Variants in TSPAN18 observed in about 807,000 individuals in gnomAD.
TSPAN18 encodes tetraspanin-18.
In TSPAN18, 14 loss-of-function variants were observed where a neutral mutation model predicts 27.3. The observed-to-expected ratio is 0.51, with a 90% CI of 0.34 to 0.80. The LOEUF is 0.80. Among genes scored for constraint, TSPAN18 ranks in the 30% least tolerant of loss-of-function variants. The pLI, the probability that TSPAN18 is intolerant of heterozygous loss-of-function variation, is 0.01. For missense variants in TSPAN18, 268 were observed against 323.9 expected (o/e 0.83, Z 1.32); for synonymous variants, 143 against 136.5 (o/e 1.05, Z -0.33).
intron 3 of TSPAN18, among the ~76,000 whole-genome samples, chr11:44,898,243 C>G (rs1229620920): frequency 6.6e-6 from 1 of 152,216 alleles, no homozygotes; most frequent in East Asian, 1.9e-4. Flanking sequence ...CTTCCAAGTT[C>G]ATATCCATGA....
At chr11:44,908,821 A>AGG (rs1859594556) in intron 4 of TSPAN18, among the ~76,000 whole-genome samples, 1 of 114,304 alleles carries the variant, frequency 8.7e-6, no homozygotes, top group African/African-American at 3.7e-5. Flanking sequence ...GAAAGAAAGA[A>AGG]AGAAAGAAAA....
At chr11:44,900,561 A>G (rs1022159076) in intron 3 of TSPAN18, among the ~76,000 whole-genome samples, 5 of 152,120 alleles carry the variant, frequency 3.3e-5, no homozygotes, top group South Asian at 4.1e-4. Flanking sequence ...CAAGGATTCA[A>G]TGAAATTGTG....
At chr11:44,896,897 G>T (rs780034012) in intron 3 of TSPAN18, among the ~76,000 whole-genome samples, 5 of 152,198 alleles carry the variant, frequency 3.3e-5, no homozygotes, top group Non-Finnish European at 5.9e-5. Context: ...CGTCTACTGA[G>T]TGGATGGTAG....
intron 2 of TSPAN18, among the ~76,000 whole-genome samples, chr11:44,823,753 G>C (rs759681535): frequency 2.0e-5 from 3 of 152,088 alleles, no homozygotes; most frequent in Non-Finnish European, 4.4e-5. Flanking sequence ...CAAAAGTAAA[G>C]GTCCTGGCTT....
At chr11:44,792,097 T>A (rs1451393955) in intron 2 of TSPAN18, among the ~76,000 whole-genome samples, 1 of 152,198 alleles carries the variant, frequency 6.6e-6, no homozygotes, top group Non-Finnish European at 1.5e-5. Context: ...AGTATTTGTT[T>A]GTATGTTATA....
chr11:44,927,682 C>T (rs1860418422), intron 9 of TSPAN18, among the ~76,000 whole-genome samples: 1 of 152,200 alleles, frequency 6.6e-6, no homozygotes, highest in Non-Finnish European at 1.5e-5. Flanking sequence ...CAAGTCCCCT[C>T]ATGGAGGGCA....
chr11:44,776,678 G>A (rs191381160), intron 2 of TSPAN18, among the ~76,000 whole-genome samples: 5 of 152,284 alleles, frequency 3.3e-5, no homozygotes, highest in East Asian at 1.9e-4. Context: ...CTCTGCCCCC[G>A]ACTCTCCGTG....
At chr11:44,802,350 T>G (rs1590495506) in intron 2 of TSPAN18, among the ~76,000 whole-genome samples, 7 of 121,516 alleles carry the variant, frequency 5.8e-5, no homozygotes, top group African/African-American at 9.6e-5. Flanking sequence ...GGAGATGGAG[T>G]GAGGGGGTAG....
chr11:44,818,700 G>A (rs528487211), intron 2 of TSPAN18, among the ~76,000 whole-genome samples: 47 of 152,294 alleles, frequency 3.1e-4, no homozygotes, highest in African/African-American at 1.1e-3. Flanking sequence ...GGAAAGGGAG[G>A]AAGAAGTGAA....
chr11:44,762,060 G>A (rs1026365086), intron 1 of TSPAN18, among the ~76,000 whole-genome samples: 3 of 152,300 alleles, frequency 2.0e-5, no homozygotes, highest in Admixed American at 1.3e-4. Flanking sequence ...CAGCATTTTG[G>A]GAAGGCAGTT....
rs749004417 is a variant in TSPAN18 at position 44,919,806 on chromosome 11, T to C, written c.433-11T>C. ...CTGCCCACCAGAACCTTCTCTGGGA[T>C]CTCCCCCTAGTTTGGTTGCTGCGGG... On this transcript the variant is annotated splice_polypyrimidine_tract_variant and intron_variant, in intron 7 of 9. Transcript: ENST00000520358. 1 of 1,613,836 alleles carries C rather than the reference T, an allele frequency of 6.2e-7. No individual in the cohort carries two copies. Among genetic ancestry groups the C allele is most frequent in the Admixed American group, 1.7e-5 (1 of 59,984 alleles).
chr11:44,885,691 C>T (rs1224356497), intron 3 of TSPAN18, among the ~76,000 whole-genome samples: 1 of 152,158 alleles, frequency 6.6e-6, no homozygotes, highest in African/African-American at 2.4e-5. Context: ...TCTACTGAGG[C>T]CCAAGCCCCA....
At chr11:44,899,421 T>C (rs893087964) in intron 3 of TSPAN18, among the ~76,000 whole-genome samples, 1 of 152,242 alleles carries the variant, frequency 6.6e-6, no homozygotes, top group Admixed American at 6.5e-5. Flanking sequence ...AAAATAACTT[T>C]AGGATGTTGC....
At chr11:44,828,764 G>A (rs1055761234) in intron 2 of TSPAN18, among the ~76,000 whole-genome samples, 4 of 152,114 alleles carry the variant, frequency 2.6e-5, no homozygotes, top group Admixed American at 6.5e-5. Flanking sequence ...TTCATGGCCC[G>A]AGGCCACGAC....
intron 3 of TSPAN18, among the ~76,000 whole-genome samples, chr11:44,891,628 G>A (rs1366697296): frequency 6.6e-6 from 1 of 152,182 alleles, no homozygotes; most frequent in African/African-American, 2.4e-5. Flanking sequence ...GCAAGGCTGG[G>A]CAGCGGACAC....
intron 3 of TSPAN18, among the ~76,000 whole-genome samples, chr11:44,866,262 C>T (rs1203681211): frequency 6.6e-6 from 1 of 152,224 alleles, no homozygotes; most frequent in African/African-American, 2.4e-5. Flanking sequence ...TCTGCCTTTA[C>T]TTCTCTAAAT....
chr11:44,772,714 A>C (rs1281008665), intron 2 of TSPAN18, among the ~76,000 whole-genome samples: 1 of 152,198 alleles, frequency 6.6e-6, no homozygotes, highest in African/African-American at 2.4e-5. Flanking sequence ...GCTGGAGTGC[A>C]ATGGCGCCAT....
At chr11:44,836,629 A>G (rs1473812081) in intron 2 of TSPAN18, among the ~76,000 whole-genome samples, 3 of 152,242 alleles carry the variant, frequency 2.0e-5, no homozygotes, top group Admixed American at 1.3e-4. Context: ...AGAAGATACC[A>G]TCTAGGACTT....
At chr11:44,839,695 C>T (rs1857331548) in intron 2 of TSPAN18, among the ~76,000 whole-genome samples, 1 of 152,138 alleles carries the variant, frequency 6.6e-6, no homozygotes, top group African/African-American at 2.4e-5. Context: ...GGAGTTAAGA[C>T]AGGCACCATC....
Sources: gnomAD v4.1 joint callset for allele counts (sites outside exome capture counted in the v4.1 genomes callset) on GRCh38, gnomAD v4.1.1 for gene constraint, MANE v1.5 for transcripts, NCBI Gene and HGNC (gene_info 2026-07-23, HGNC 2026-07-21) for gene names.